The following SYT12 variants were observed in gnomAD, a reference collection of about 807,000 sequenced individuals.
The protein encoded by SYT12 is synaptotagmin 12.
A neutral mutation model predicts 39.5 loss-of-function variants in SYT12; 27 were observed. The ratio of observed to expected loss-of-function variants is 0.68; its 90% CI spans 0.50 to 0.94. The LOEUF (loss-of-function observed/expected upper bound fraction) is 0.94. SYT12 is among the 40% of genes least tolerant of loss of function. The probability of loss-of-function intolerance (pLI) is 0.00; values close to 1 mark genes in which losing one functional copy is unlikely to be tolerated. For missense variants in SYT12, 536 were observed against 572.6 expected (o/e 0.94, Z 0.65); for synonymous variants, 233 against 239.7 (o/e 0.97, Z 0.26).
intron 3 of SYT12, among the ~76,000 whole-genome samples, chr11:67,015,112 C>G (rs554331182): frequency 1.5e-4 from 23 of 152,278 alleles, no homozygotes; most frequent in African/African-American, 5.3e-4. Flanking sequence ...CCCTTACTTT[C>G]CCACAACAAT....
At chr11:67,033,177 G>A (rs553158578) in intron 2 of SYT12, among the ~76,000 whole-genome samples, 15 of 151,980 alleles carry the variant, frequency 9.9e-5, no homozygotes, top group African/African-American at 2.9e-4. Flanking sequence ...GCCCACTCTG[G>A]GCTTTTTATA....
At chr11:67,028,481 G>A (rs1419225745) in intron 1 of SYT12, 1 of 152,120 alleles carries the variant, frequency 6.6e-6, no homozygotes, top group Non-Finnish European at 1.5e-5. Context: ...AGGACTTAAG[G>A]GGGTAGACTA....
upstream of SYT12, among the ~76,000 whole-genome samples, chr11:67,022,483 G>A (rs925435472): frequency 2.0e-5 from 3 of 152,222 alleles, no homozygotes; most frequent in Admixed American, 2.0e-4. Flanking sequence ...CGCGGGCAGG[G>A]AGGGACCTGT....
intron 3 of SYT12, among the ~76,000 whole-genome samples, chr11:67,015,755 C>T (rs1950052841): frequency 6.6e-6 from 1 of 152,158 alleles, no homozygotes; most frequent in African/African-American, 2.4e-5. Context: ...TGCTAAAATC[C>T]CTTCATATGG....
At chr11:67,025,309 G>T (rs1385839113) in intron 1 of SYT12, among the ~76,000 whole-genome samples, 1 of 152,240 alleles carries the variant, frequency 6.6e-6, no homozygotes, top group Non-Finnish European at 1.5e-5. Flanking sequence ...AGGTAGGTAT[G>T]ATCGAGCTGG....
intron 7 of SYT12, among the ~76,000 whole-genome samples, chr11:67,046,905 G>T (rs531460589): frequency 6.6e-6 from 1 of 152,228 alleles, no homozygotes; most frequent in South Asian, 2.1e-4. Context: ...CTGACTGTGC[G>T]CAGGTGCCGT....
rs774170606 is a variant in SYT12, at chr11:67,048,596, C to T, written c.1105C>T (p.Arg369Cys). ...PAIVLQDLSLRVTVAESSSDG... is the reference protein window; with the variant it reads ...PAIVLQDLSLCVTVAESSSDG... Reference sequence around the variant, plus strand: ...GCCTCTTCCTCAGGACCTGTCTCTCCGCGTGACGGTGGCTGAGAGCAGCAG... The same window carrying T: ...GCCTCTTCCTCAGGACCTGTCTCTCTGCGTGACGGTGGCTGAGAGCAGCAG... The change falls in exon 8 of 8, where the codon CGC (arginine) becomes TGC (cysteine). Residue 369 changes from arginine (R) to cysteine (C), a missense_variant. Arg to Cys is a radical substitution (Grantham distance 180). Coordinates refer to ENST00000527043, the MANE Select transcript of SYT12 (RefSeq NM_177963.4). The T allele has an allele frequency of 7.1e-5, 114 of 1,601,198 alleles. No individual in the cohort carries two copies. The highest frequency in any genetic ancestry group is 2.0e-4 in the South Asian group (18 of 90,884).
intron 3 of SYT12, among the ~76,000 whole-genome samples, chr11:67,011,764 G>T (rs971230517): frequency 6.6e-6 from 1 of 151,480 alleles, no homozygotes; most frequent in Non-Finnish European, 1.5e-5. Flanking sequence ...TTTGTTGTTT[G>T]GTTTTTGTTT....
Position 67,043,661 on chromosome 11 carries a change from C to T in SYT12, c.645C>T (p.Ile215=). The T allele has an allele frequency of 2.5e-6, 4 of 1,614,124 alleles. No homozygotes were observed. The highest frequency in any genetic ancestry group is 2.5e-6 in the Non-Finnish European group (3 of 1,180,028). ...AGATCCAGAGAAATGCCTACTCCAT[C>T]TTCTTTGATGAGAAGTTCTCCATCC... ...ISRIQRNAYS[I]FFDEKFSIPL... Residue 215 remains isoleucine, a synonymous_variant, in exon 5 of 8, where the codon ATC becomes ATT. Coordinates refer to ENST00000527043, the MANE Select transcript of SYT12 (RefSeq NM_177963.4).
At chr11:67,020,720 A>G (rs1306679554), upstream of SYT12, among the ~76,000 whole-genome samples, 2 of 152,076 alleles carry the variant, frequency 1.3e-5, no homozygotes, top group African/African-American at 2.4e-5. Flanking sequence ...GCTCAGCAGT[A>G]CGTTTGTGAG....
intron 3 of SYT12, among the ~76,000 whole-genome samples, chr11:67,036,712 G>A (rs1391812927): frequency 1.3e-5 from 2 of 152,138 alleles, no homozygotes; most frequent in Non-Finnish European, 2.9e-5. Context: ...GAGGCGGGCA[G>A]ATCTCTTGAG....
chr11:67,030,498 C>G, intron 2 of SYT12: 1 of 345,428 alleles, frequency 2.9e-6, no homozygotes, highest in Non-Finnish European at 5.3e-6. Context: ...GGAATCCACT[C>G]ACCGAGGCCT....
At chr11:67,046,461 A>G (rs1555068793) in intron 7 of SYT12, among the ~76,000 whole-genome samples, 1 of 152,152 alleles carries the variant, frequency 6.6e-6, no homozygotes, top group Non-Finnish European at 1.5e-5. Flanking sequence ...ACTCCTGACA[A>G]TGAGAAAGTC....
chr11:67,041,758 C>T (rs1950516739), intron 4 of SYT12, among the ~76,000 whole-genome samples: 1 of 152,218 alleles, frequency 6.6e-6, no homozygotes, highest in Non-Finnish European at 1.5e-5. Context: ...GGACTTCCCT[C>T]CCCCTCCAGT....
At chr11:67,025,035 C>T (rs1431938522) in intron 1 of SYT12, among the ~76,000 whole-genome samples, 1 of 152,192 alleles carries the variant, frequency 6.6e-6, no homozygotes, top group African/African-American at 2.4e-5. Context: ...CTTCCAACTC[C>T]CCACCCCAAA....
At chr11:67,040,302 A>G in intron 4 of SYT12, 99 bp downstream of exon 4, 2 of 1,463,026 alleles carry the variant, frequency 1.4e-6, no homozygotes, top group Non-Finnish European at 1.8e-6. Flanking sequence ...CCAGAAAGGC[A>G]GTAGAGTGCA....
intron 7 of SYT12, 69 bp downstream of exon 7, chr11:67,045,946 C>G (rs1854534298): frequency 6.3e-7 from 1 of 1,593,656 alleles, no homozygotes; most frequent in Admixed American, 1.8e-5. Flanking sequence ...CATCTCTCCA[C>G]CTTCTCTTCT....
chr11:67,032,387 G>A (rs1591363768), intron 2 of SYT12: 2 of 152,202 alleles, frequency 1.3e-5, no homozygotes, highest in South Asian at 2.1e-4. Context: ...AAAACCTGTT[G>A]GGATTTTCCC....
chr11:67,011,858 C>T (rs1279550785), intron 3 of SYT12, among the ~76,000 whole-genome samples: 6 of 151,530 alleles, frequency 4.0e-5, no homozygotes, highest in East Asian at 2.0e-4. Flanking sequence ...CTCTGCCTCC[C>T]GGGTTCAAGC....
Sources: gnomAD v4.1 joint callset for allele counts (sites outside exome capture counted in the v4.1 genomes callset) on GRCh38, gnomAD v4.1.1 for gene constraint, MANE v1.5 for transcripts, NCBI Gene and HGNC (gene_info 2026-07-23, HGNC 2026-07-21) for gene names.